The following RALGPS1 variants were observed in gnomAD, a reference collection of about 807,000 sequenced individuals.
The protein encoded by RALGPS1 is ras-specific guanine nucleotide-releasing factor RalGPS1.
A neutral mutation model predicts 78.8 loss-of-function variants in RALGPS1; 19 were observed. That is an observed-to-expected ratio of 0.24 (90% confidence interval 0.17 to 0.35). RALGPS1 has a LOEUF of 0.35. Among genes scored for constraint, RALGPS1 ranks in the 10% least tolerant of loss-of-function variants. RALGPS1 has a pLI of 1.00. For synonymous variants in RALGPS1, 228 were observed against 256.3 expected (o/e 0.89, Z 1.06); for missense variants, 454 against 688.3 (o/e 0.66, Z 3.81).
intron 4 of RALGPS1, among the ~76,000 whole-genome samples, chr9:127,018,626 G>A (rs184399954): frequency 3.6e-4 from 52 of 145,146 alleles, no homozygotes; most frequent in African/African-American, 1.3e-3. Context: ...GTGAGACTCT[G>A]TCTCAAAAAA....
rs563850576 is a variant in RALGPS1 at position 127,169,980 on chromosome 9, G to T, written c.842+1208G>T. Among the ~76,000 whole-genome samples the T allele has an allele frequency of 4.6e-5, 7 of 152,328 alleles. No individual in the cohort carries two copies. In the South Asian group the frequency reaches 1.0e-3, roughly 23 times the overall value. ...TTATTGGGATGTATCCCCGTCGTAA[G>T]TTGAGGAGCATCTGTATTCTTTTAA... On this transcript the variant is annotated intron_variant, in intron 10 of 18. Transcript: ENST00000259351.
intron 8 of RALGPS1, among the ~76,000 whole-genome samples, chr9:127,155,951 A>C (rs2058688218): frequency 6.6e-6 from 1 of 152,192 alleles, no homozygotes; most frequent in South Asian, 2.1e-4. Flanking sequence ...CTAAAGGTTA[A>C]AATAATATAA....
At chr9:127,053,755 A>G (rs1394442896) in intron 7 of RALGPS1, among the ~76,000 whole-genome samples, 1 of 152,198 alleles carries the variant, frequency 6.6e-6, no homozygotes, top group Non-Finnish European at 1.5e-5. Flanking sequence ...TGGCTGGTTC[A>G]AGGGCTTTTA....
intron 11 of RALGPS1, among the ~76,000 whole-genome samples, chr9:127,180,826 G>A (rs2060166473): frequency 6.6e-6 from 1 of 152,260 alleles, no homozygotes. Flanking sequence ...TCCGGCTGGA[G>A]CTGGAGTCAC....
At chr9:127,097,320 C>T (rs775479678) in intron 8 of RALGPS1, among the ~76,000 whole-genome samples, 7 of 152,122 alleles carry the variant, frequency 4.6e-5, no homozygotes, top group Non-Finnish European at 1.0e-4. Context: ...CTAGAATAAT[C>T]GAGTAGGTAT....
rs374717249 is a variant in RALGPS1 at position 126,974,924 on chromosome 9, G to A, written c.166-2771G>A. 7.6e-5 allele frequency among the ~76,000 whole-genome samples: 11 copies of A among 145,240 alleles called. No individual in the cohort carries two copies. In the South Asian group the frequency reaches 1.1e-3, roughly 14 times the overall value. The stretch of plus-strand genomic sequence containing the variant: ...GAGAGCTGGCTATGAAGTGTGACAG[G>A]ACCTGACCTCACCTCTTACCCCAAC... On this transcript the variant is annotated intron_variant, in intron 3 of 18. Coordinates refer to ENST00000259351, the MANE Select transcript of RALGPS1 (RefSeq NM_014636.3).
intron 8 of RALGPS1, among the ~76,000 whole-genome samples, chr9:127,159,589 T>C (rs142717761): frequency 6.6e-6 from 1 of 152,360 alleles, no homozygotes; most frequent in African/African-American, 2.4e-5. Flanking sequence ...AATGAGGATT[T>C]GTTCTGAAGC....
chr9:127,066,948 C>T (rs989699068), intron 7 of RALGPS1, among the ~76,000 whole-genome samples: 1 of 152,124 alleles, frequency 6.6e-6, no homozygotes, highest in Admixed American at 6.5e-5. Flanking sequence ...TTCAGTCTCC[C>T]AAGTAGCTCA....
intron 3 of RALGPS1, among the ~76,000 whole-genome samples, chr9:126,968,293 C>T (rs2039742384): frequency 1.3e-5 from 2 of 152,292 alleles, no homozygotes; most frequent in South Asian, 2.1e-4. Flanking sequence ...GCATGAGCCA[C>T]CGCACCTGAC....
At chr9:126,992,505 G>A (rs947373181) in intron 4 of RALGPS1, among the ~76,000 whole-genome samples, 2 of 152,040 alleles carry the variant, frequency 1.3e-5, no homozygotes, top group African/African-American at 4.8e-5. Context: ...CTAATCCTTG[G>A]CATTTCAATA....
At chr9:127,076,390 T>G (rs2050684842) in intron 8 of RALGPS1, among the ~76,000 whole-genome samples, 1 of 152,192 alleles carries the variant, frequency 6.6e-6, no homozygotes, top group African/African-American at 2.4e-5. Context: ...GGAACAAAAA[T>G]TAGGTATTCT....
chr9:127,197,181 A>G (rs1295124290), intron 13 of RALGPS1, among the ~76,000 whole-genome samples: 1 of 152,228 alleles, frequency 6.6e-6, no homozygotes, highest in Non-Finnish European at 1.5e-5. Context: ...CAGAAGAGAC[A>G]GAAATTGTGC....
intron 4 of RALGPS1, among the ~76,000 whole-genome samples, chr9:126,999,755 C>T (rs368175285): frequency 4.6e-5 from 7 of 152,264 alleles, no homozygotes; most frequent in South Asian, 2.1e-4. Flanking sequence ...TTCAAAGTTT[C>T]GGCAATTATG....
rs566876386 is a variant in RALGPS1, at chr9:127,003,138, C to T, written c.216+25393C>T. ...TAGGCATTACCATTCAGGACATAGG[C>T]ATGGGCAAGGACTTCACGTCCAAAA... is the stretch of plus-strand genomic sequence containing the variant. On this transcript the variant is annotated intron_variant, in intron 4 of 18. Coordinates refer to ENST00000259351, the MANE Select transcript of RALGPS1 (RefSeq NM_014636.3). Among the ~76,000 whole-genome samples the T allele has an allele frequency of 5.3e-5, 8 of 152,286 alleles. No homozygotes were observed. The South Asian group carries it at 1.2e-3, about 24-fold the overall frequency.
chr9:126,962,656 T>TATAA (rs2132146643), intron 2 of RALGPS1, among the ~76,000 whole-genome samples: 1 of 152,370 alleles, frequency 6.6e-6, no homozygotes, highest in African/African-American at 2.4e-5. Context: ...CGCTGCTGAT[T>TATAA]ATAAATAAGT....
At position 127,034,440 on chromosome 9, in the gene RALGPS1, A is replaced by G; in HGVS notation, c.226A>G (p.Ser76Gly). Reference sequence around the variant, plus strand: ...ATTCTGTGCTTCCTAGGAACTAGCCAGCTGTGGATGGAGTAAGAAGGAGAA... The same window carrying G: ...ATTCTGTGCTTCCTAGGAACTAGCCGGCTGTGGATGGAGTAAGAAGGAGAA... ...FKAIQPEELA[S>G]CGWSKKEKHS... is the part of the protein sequence containing the mutation. The change falls in exon 5 of 19, where the codon AGC (serine) becomes GGC (glycine). Residue 76 changes from serine (S) to glycine (G), a missense_variant. Physicochemically the swap from Ser to Gly is moderately conservative, Grantham distance 56. Transcript: ENST00000259351. 1.2e-6 allele frequency: 2 copies of G among 1,614,138 alleles called. No homozygotes were observed. Among genetic ancestry groups the G allele is most frequent in the Non-Finnish European group, 1.7e-6 (2 of 1,179,986 alleles).
intron 4 of RALGPS1, among the ~76,000 whole-genome samples, chr9:126,995,745 A>C (rs1195652630): frequency 6.6e-6 from 1 of 152,196 alleles, no homozygotes; most frequent in Non-Finnish European, 1.5e-5. Context: ...TCAGCACCAC[A>C]CCACACCTAC....
chr9:127,117,763 C>T (rs930583926), intron 8 of RALGPS1, among the ~76,000 whole-genome samples: 1 of 152,216 alleles, frequency 6.6e-6, no homozygotes, highest in Non-Finnish European at 1.5e-5. Flanking sequence ...ATTAGAGATT[C>T]GGCAGTAACT....
chr9:126,953,511 G>T (rs2038060027), intron 1 of RALGPS1, among the ~76,000 whole-genome samples: 1 of 152,174 alleles, frequency 6.6e-6, no homozygotes, highest in Non-Finnish European at 1.5e-5. Flanking sequence ...CATTATGCCA[G>T]GCTACCTCCC....
Sources: allele counts gnomAD v4.1 joint callset (sites outside exome capture counted in the v4.1 genomes callset), GRCh38; gene constraint gnomAD v4.1.1; transcripts MANE v1.5; gene names NCBI Gene and HGNC (gene_info 2026-07-23, HGNC 2026-07-21).